Variants in STK38L observed in about 807,000 individuals in gnomAD.
STK38L encodes the protein serine/threonine kinase 38 like.
In STK38L, 28 loss-of-function variants were observed where a neutral mutation model predicts 59.7. That is an observed-to-expected ratio of 0.47 (90% CI 0.35 to 0.64). The LOEUF is 0.64. Ranked by LOEUF, STK38L falls within the 30% of genes least tolerant of loss-of-function variation. The pLI is 0.01. For synonymous variants in STK38L, 162 were observed against 176.8 expected, an observed-to-expected ratio of 0.92 and a Z score of 0.66; for missense variants, 314 against 555.8, an observed-to-expected ratio of 0.56 and a Z score of 4.37.
intron 1 of STK38L, among the ~76,000 whole-genome samples, chr12:27,251,916 A>G (rs1283152787): frequency 6.6e-6 from 1 of 152,200 alleles, no homozygotes; most frequent in Non-Finnish European, 1.5e-5. Flanking sequence ...TGAAGGGAGG[A>G]CAGACATAAA....
At position 27,257,507 on chromosome 12, in the gene STK38L, A is replaced by T. The variant is rs369930669; in HGVS notation, c.-12+13175A>T. 5.3e-5 allele frequency among the ~76,000 whole-genome samples: 8 copies of T among 152,056 alleles called. No individual in the cohort carries two copies. In the East Asian group the frequency reaches 1.5e-3, roughly 29 times the overall value. On this transcript the variant is annotated intron_variant, in intron 1 of 13. Transcript: ENST00000389032. ...CCAATCCTGTCTCCCAGAAACTATA[A>T]CCTACTCACTTTTGACCAGACTTGG...
chr12:27,318,947 C>G (rs553698030), intron 11 of STK38L, among the ~76,000 whole-genome samples: 180 of 152,176 alleles, frequency 1.2e-3, no homozygotes, highest in Non-Finnish European at 2.1e-3. Context: ...GCTGAGATCA[C>G]GCCACTGCAC....
chr12:27,262,077 C>CT (rs1346915305), intron 1 of STK38L, among the ~76,000 whole-genome samples: 1 of 152,190 alleles, frequency 6.6e-6, no homozygotes, highest in Non-Finnish European at 1.5e-5. Flanking sequence ...AGTGAAAAGT[C>CT]TGTTACAGAT....
chr12:27,283,840 C>G (rs79882501), intron 1 of STK38L, among the ~76,000 whole-genome samples: 73 of 152,248 alleles, frequency 4.8e-4, no homozygotes, highest in African/African-American at 1.6e-3. Flanking sequence ...TGCTAAGGGT[C>G]CTGAACAAGG....
intron 1 of STK38L, among the ~76,000 whole-genome samples, chr12:27,256,470 G>A (rs1186801907): frequency 6.6e-6 from 1 of 152,090 alleles, no homozygotes; most frequent in Non-Finnish European, 1.5e-5. Flanking sequence ...GCTTTCTTTG[G>A]TATTCTGCTT....
chr12:27,252,081 G>A (rs972302259), intron 1 of STK38L, among the ~76,000 whole-genome samples: 8 of 152,074 alleles, frequency 5.3e-5, no homozygotes, highest in African/African-American at 1.7e-4. Flanking sequence ...CCGGGTTCAC[G>A]CCATTCTCCT....
intron 1 of STK38L, among the ~76,000 whole-genome samples, chr12:27,249,912 C>G (rs1434716404): frequency 1.3e-5 from 2 of 152,124 alleles, no homozygotes; most frequent in African/African-American, 2.4e-5. Flanking sequence ...AGATTTTATT[C>G]CTCGTTTTCC....
At chr12:27,261,329 C>T (rs187778772) in intron 1 of STK38L, among the ~76,000 whole-genome samples, 6 of 152,308 alleles carry the variant, frequency 3.9e-5, no homozygotes, top group African/African-American at 1.4e-4. Flanking sequence ...ACTTTCCTTG[C>T]TTTTGCCCTG....
rs1179328355 is a variant in STK38L at position 27,314,595 on chromosome 12, G to A, written c.609G>A (p.Ala203=). The A allele has an allele frequency of 6.8e-6, 11 of 1,609,504 alleles. No individual in the cohort carries two copies. Among genetic ancestry groups the A allele is most frequent in the East Asian group, 4.5e-5 (2 of 44,576 alleles). ...CAGAGACTGTTCTGGCAATAGATGC[G>A]ATCCACCAGTTGGGTTTCATCCATC... ...YISETVLAID[A]IHQLGFIHRD... The change falls in exon 7 of 14, where the codon GCG becomes GCA. Residue 203 remains alanine, a synonymous_variant. Coordinates refer to ENST00000389032, the MANE Select transcript of STK38L (RefSeq NM_015000.4).
At chr12:27,264,525 A>G (rs1436715663) in intron 1 of STK38L, among the ~76,000 whole-genome samples, 2 of 152,174 alleles carry the variant, frequency 1.3e-5, no homozygotes, top group Admixed American at 6.6e-5. Flanking sequence ...AATGCAATTG[A>G]CTCTCCATAT....
intron 1 of STK38L, among the ~76,000 whole-genome samples, chr12:27,272,928 T>A (rs1943455097): frequency 6.6e-6 from 1 of 152,152 alleles, no homozygotes; most frequent in Non-Finnish European, 1.5e-5. Flanking sequence ...AAATGTGGAC[T>A]GTAAAACACA....
At position 27,317,286 on chromosome 12, in the gene STK38L, A is replaced by G. The variant is rs770570611; in HGVS notation, c.838-50A>G. The G allele has an allele frequency of 2.0e-5, 26 of 1,324,850 alleles. 1 individual carries two copies. Among genetic ancestry groups the G allele is most frequent in the East Asian group, 1.2e-4 (5 of 43,340 alleles). 82.1% of individuals were successfully genotyped at this position (1,324,850 alleles called of 1,614,324 possible). On this transcript the variant is annotated intron_variant, in intron 9 of 13. Coordinates refer to ENST00000389032, the MANE Select transcript of STK38L (RefSeq NM_015000.4). ...CCAGTAGTAAGCCATCCTCAGATAG[A>G]TATTTTTTAAATGTTAAGAATGCTG...
chr12:27,309,527 G>A (rs1238148407), intron 5 of STK38L, among the ~76,000 whole-genome samples: 2 of 152,176 alleles, frequency 1.3e-5, no homozygotes, highest in Non-Finnish European at 1.5e-5. Flanking sequence ...TTCCTGGCTT[G>A]CAGATGGCCA....
rs181658163 is a variant in STK38L, at chr12:27,275,267, A to G, written c.-11-22443A>G. On this transcript the variant is annotated intron_variant, in intron 1 of 13. Transcript: ENST00000389032. ...AAGGCCTTTTGGTATTTTCAGCTCC[A>G]TCACCCCATTATCATACTTACTTTG... 3.4e-3 allele frequency among the ~76,000 whole-genome samples: 517 copies of G among 151,076 alleles called. 6 individuals carry two copies. The highest frequency in any genetic ancestry group is 0.011 in the African/African-American group (470 of 41,104).
At chr12:27,275,528 TG>T (rs368763265) in intron 1 of STK38L, among the ~76,000 whole-genome samples, 283 of 151,810 alleles carry the variant, frequency 1.9e-3, no homozygotes, top group African/African-American at 6.2e-3. Flanking sequence ...TAAGTAGAGA[TG>T]GGTTTCACCA....
intron 1 of STK38L, among the ~76,000 whole-genome samples, chr12:27,249,776 G>A (rs922275): frequency 0.43 from 66,078 of 151,988 alleles, 15,425 homozygotes; most frequent in East Asian, 0.86. Flanking sequence ...GCTGATTCTC[G>A]TTGATTCCAC....
At position 27,308,734 on chromosome 12, in the gene STK38L, G is replaced by T. The variant is rs1342929735; in HGVS notation, c.309+273G>T. Among the ~76,000 whole-genome samples the T allele has an allele frequency of 6.6e-6, 1 of 151,330 alleles. No individual in the cohort carries two copies. Among genetic ancestry groups the T allele is most frequent in the Non-Finnish European group, 1.5e-5 (1 of 67,836 alleles). ...CTTGGGAGGCTGAGGCAGGAGAATC[G>T]CTTGAGCCCAGGAGGCAGAAGTTGC... On this transcript the variant is annotated intron_variant, in intron 4 of 13. Transcript: ENST00000389032. This position sits in a 1 kb window ranked among gnomAD's most constrained non-coding sequence, Gnocchi z 4.5.
chr12:27,267,545 T>C (rs553901977), intron 1 of STK38L, among the ~76,000 whole-genome samples: 3 of 152,230 alleles, frequency 2.0e-5, no homozygotes, highest in Admixed American at 1.3e-4. Flanking sequence ...CTAGTGAACA[T>C]TGTTATGATG....
At chr12:27,317,551 T>G (rs933198693) in intron 10 of STK38L, 98 bp downstream of exon 10, 50 of 1,012,708 alleles carry the variant, frequency 4.9e-5, no homozygotes, top group Non-Finnish European at 6.8e-5. Context: ...ATATTTGAAG[T>G]CTTTTAAGCT....
Sources: allele counts gnomAD v4.1 joint callset (sites outside exome capture counted in the v4.1 genomes callset), GRCh38; gene constraint gnomAD v4.1.1; non-coding constraint Gnocchi (gnomAD v3.1); transcripts MANE v1.5; gene names NCBI Gene and HGNC (gene_info 2026-07-23, HGNC 2026-07-21).